The following DLEC1 variants were observed in gnomAD, a reference collection of about 807,000 sequenced individuals.
DLEC1 encodes the protein DLEC1 cilia and flagella associated protein, also known as deleted in lung and esophageal cancer protein 1.
A neutral mutation model predicts 198.1 loss-of-function variants in DLEC1; 146 were observed. The ratio of observed to expected loss-of-function variants is 0.74; its 90% confidence interval spans 0.64 to 0.85. The LOEUF is 0.85. Ranked by LOEUF, DLEC1 falls within the 40% of genes least tolerant of loss-of-function variation. The pLI is 0.00. For synonymous variants in DLEC1, 897 were observed against 866.8 expected, an observed-to-expected ratio of 1.03 and a Z score of -0.61; for missense variants, 2,233 against 2,220.0, an observed-to-expected ratio of 1.01 and a Z score of -0.12.
At chr3:38,069,837 A>G (rs191650475) in intron 6 of DLEC1, among the ~76,000 whole-genome samples, 2 of 152,314 alleles carry the variant, frequency 1.3e-5, no homozygotes, top group African/African-American at 4.8e-5. Flanking sequence ...TGTAATATGT[A>G]GTGTTGGCCA....
intron 6 of DLEC1, among the ~76,000 whole-genome samples, chr3:38,074,664 C>T (rs184032346): frequency 1.1e-3 from 174 of 152,278 alleles, no homozygotes; most frequent in African/African-American, 4.1e-3. Context: ...GCTCTAATGC[C>T]TTCCTGGAGG....
intron 6 of DLEC1, among the ~76,000 whole-genome samples, chr3:38,075,728 A>G (rs1384075241): frequency 6.6e-6 from 1 of 151,968 alleles, no homozygotes; most frequent in South Asian, 2.1e-4. Flanking sequence ...GGGCACAGGG[A>G]TAAGAGGTTG....
chr3:38,114,255 G>C, intron 25 of DLEC1, 87 bp from the exon 26 acceptor site: 6 of 1,333,452 alleles, frequency 4.5e-6, no homozygotes, highest in Non-Finnish European at 3.2e-6. Flanking sequence ...GGGCCCCTGG[G>C]CTGGCTGGAC....
In DLEC1 at chr3:38,118,007, G is replaced by A. The variant is rs1231089387; in HGVS notation, c.4687G>A (p.Ala1563Thr). 1.2e-6 allele frequency: 2 copies of A among 1,606,436 alleles called. No homozygotes were observed. The highest frequency in any genetic ancestry group is 2.2e-5 in the South Asian group (2 of 90,488). Residue 1563 changes from alanine to threonine, a missense_variant, in exon 33 of 37, where the codon GCA becomes ACA. By Grantham distance (58) the Ala-to-Thr change is moderately conservative (BLOSUM62 0). Coordinates refer to ENST00000308059, the MANE Select transcript of DLEC1 (RefSeq NM_007335.4). Reference protein sequence around the residue: ...ASADKQLVLQAQENMLVNVSF... With the variant: ...ASADKQLVLQTQENMLVNVSF... ...AGCGGACAAGCAGCTGGTGCTCCAA[G>A]CACAGGAGAACATGCTGGTCAGTGG...
intron 6 of DLEC1, among the ~76,000 whole-genome samples, chr3:38,080,274 G>A (rs912845161): frequency 3.9e-5 from 6 of 152,172 alleles, no homozygotes; most frequent in African/African-American, 1.4e-4. Flanking sequence ...GGATTATAGG[G>A]TGGAGGAGCA....
intron 1 of DLEC1, among the ~76,000 whole-genome samples, chr3:38,044,486 C>T (rs1700794783): frequency 1.3e-5 from 2 of 152,114 alleles, no homozygotes; most frequent in Admixed American, 1.3e-4. Context: ...TCACTTGAAC[C>T]CGGGAGGCAG....
In DLEC1 at chr3:38,084,138, A is replaced by G; in HGVS notation, c.1174-20A>G. On this transcript the variant is annotated intron_variant, in intron 6 of 36. Transcript: ENST00000308059. ...CTATAAGTGTTGCTGTCTAAAAGAG[A>G]TCATCTTACCTTTCAACAGATGGTA... 6.2e-7 allele frequency: 1 copy of G among 1,610,866 alleles called. No individual in the cohort carries two copies. Among genetic ancestry groups the G allele is most frequent in the Non-Finnish European group, 8.5e-7 (1 of 1,177,622 alleles).
rs57618882 is a variant in DLEC1 at position 38,048,718 on chromosome 3, A to G, written c.562+3025A>G. ...GAGGAGGAAGGATTGTTGATGAGCCATGGTGTCTCAGGAGTGTTGATGACT... is the reference window on the plus strand; with the variant it reads ...GAGGAGGAAGGATTGTTGATGAGCCGTGGTGTCTCAGGAGTGTTGATGACT... On this transcript the variant is annotated intron_variant, in intron 2 of 36. Transcript: ENST00000308059. Among the ~76,000 whole-genome samples, 863 of 152,288 alleles carry G rather than the reference A, an allele frequency of 5.7e-3. 5 individuals are homozygous for G. Among genetic ancestry groups the G allele is most frequent in the African/African-American group, 0.02 (820 of 41,558 alleles).
rs1467349134 is a variant in DLEC1 at position 38,096,638 on chromosome 3, G to A, written c.2241G>A (p.Val747=). 1.1e-5 allele frequency: 17 copies of A among 1,612,956 alleles called. No individual in the cohort carries two copies. The highest frequency in any genetic ancestry group is 1.4e-5 in the Non-Finnish European group (16 of 1,180,028). ...ATGTGATTGTCCTGGAAATCGAGGT[G>A]AAAGGCTCAGTAGAACCTTTCCAGG... ...VDDVIVLEIE[V]KGSVEPFQVL... Residue 747 remains valine (V), a synonymous_variant, in exon 15 of 37, where the codon GTG becomes GTA. Transcript: ENST00000308059.
chr3:38,121,802 T>C lies in DLEC1; in HGVS notation c.5020+21T>C. On this transcript the variant is annotated intron_variant, in intron 35 of 36. Transcript: ENST00000308059. ...GATGGGTATGTCCTACCCTGCCACCTACCCACCGTTCCCCTACAGGGCTGT... is the reference window on the plus strand; with the variant it reads ...GATGGGTATGTCCTACCCTGCCACCCACCCACCGTTCCCCTACAGGGCTGT... 3 of 1,612,450 alleles carry C rather than the reference T, an allele frequency of 1.9e-6. No individual in the cohort carries two copies. The South Asian group carries it at 3.3e-5, about 18-fold the overall frequency.
chr3:38,080,578 A>G (rs1697921151), intron 6 of DLEC1, among the ~76,000 whole-genome samples: 1 of 152,146 alleles, frequency 6.6e-6, no homozygotes, highest in African/African-American at 2.4e-5. Flanking sequence ...TTTTCCAGCT[A>G]TTTGGAACTA....
intron 1 of DLEC1, among the ~76,000 whole-genome samples, chr3:38,041,546 C>G (rs1280790935): frequency 6.6e-6 from 1 of 151,974 alleles, no homozygotes; most frequent in African/African-American, 2.4e-5. Flanking sequence ...AGAGTGATCC[C>G]CTATAGAAAT....
intron 6 of DLEC1, among the ~76,000 whole-genome samples, chr3:38,069,805 A>G (rs1697221382): frequency 6.6e-6 from 1 of 152,230 alleles, no homozygotes. Context: ...AGTTCCCACC[A>G]GCTGTTTCAC....
rs758286831 is a variant in DLEC1, at chr3:38,045,669, G to A, written c.538G>A (p.Glu180Lys). The A allele has an allele frequency of 1.3e-5, 21 of 1,613,270 alleles. No individual in the cohort carries two copies. Among genetic ancestry groups the A allele is most frequent in the African/African-American group, 6.7e-5 (5 of 74,836 alleles). ...GAGCCAGGCTGGAGTACAGGACCTC[G>A]AGAGCCTTGTCAGGTTGCCTCCAGG... ...VMSQAGVQDL[E>K]SLVRLPPVKS... is the part of the protein sequence containing the mutation. Residue 180 changes from glutamate to lysine, a missense_variant, in exon 2 of 37, where the codon GAG becomes AAG. Glu to Lys is a moderately conservative substitution (Grantham distance 56). Transcript: ENST00000308059.
chr3:38,077,088 T>A (rs1330711273), intron 6 of DLEC1, among the ~76,000 whole-genome samples: 1 of 152,138 alleles, frequency 6.6e-6, no homozygotes, highest in Admixed American at 6.5e-5. Flanking sequence ...GGACATCTGA[T>A]TAGAGAGTGC....
chr3:38,057,725 G>C lies in DLEC1; in HGVS notation c.563-2017G>C, dbSNP rs956799716. Among the ~76,000 whole-genome samples, 9 of 152,242 alleles carry C rather than the reference G, an allele frequency of 5.9e-5. No homozygotes were observed. The South Asian group carries it at 1.7e-3, about 28-fold the overall frequency. On this transcript the variant is annotated intron_variant, in intron 2 of 36. Coordinates refer to ENST00000308059, the MANE Select transcript of DLEC1 (RefSeq NM_007335.4). ...TGAGTGATTTCCCCAGCTGGGGACA[G>C]GATTGGAGATGATCTTTCTAGAGTG... is the stretch of plus-strand genomic sequence containing the variant.
At chr3:38,083,303 G>GT (rs1354283063) in intron 6 of DLEC1, among the ~76,000 whole-genome samples, 2 of 150,892 alleles carry the variant, frequency 1.3e-5, no homozygotes, top group Non-Finnish European at 2.9e-5. Flanking sequence ...GGGTGGGGCT[G>GT]TTTTATAAGA....
intron 3 of DLEC1, among the ~76,000 whole-genome samples, chr3:38,060,548 G>A (rs1241502499): frequency 6.6e-6 from 1 of 152,024 alleles, no homozygotes; most frequent in African/African-American, 2.4e-5. Flanking sequence ...GGGCTTGGGA[G>A]CTGAGAAGGT....
Position 38,039,608 on chromosome 3 carries a change from A to T in DLEC1, c.383A>T (p.His128Leu). The T allele has an allele frequency of 6.2e-7, 1 of 1,609,256 alleles. No homozygotes were observed. Residue 128 changes from histidine (H) to leucine (L), a missense_variant, in exon 1 of 37, where the codon CAC becomes CTC. His to Leu is a moderately conservative substitution (Grantham distance 99, BLOSUM62 -3). Coordinates refer to ENST00000308059, the MANE Select transcript of DLEC1 (RefSeq NM_007335.4). ...IKARGSENERHEEFVDQLQQI... is the reference protein window; with the variant it reads ...IKARGSENERLEEFVDQLQQI... ...GCCCGCGGCAGCGAGAATGAGCGCC[A>T]CGAGGAGTTCGTGGACCAGCTGCAG...
Sources: gnomAD v4.1 joint callset for allele counts (sites outside exome capture counted in the v4.1 genomes callset) on GRCh38, gnomAD v4.1.1 for gene constraint, MANE v1.5 for transcripts, NCBI Gene and HGNC (gene_info 2026-07-23, HGNC 2026-07-21) for gene names.